The following TSPAN18 variants were observed in gnomAD, a reference collection of about 807,000 sequenced individuals.
TSPAN18 encodes tetraspanin 18, also known as tetraspanin-18.
In TSPAN18, 14 loss-of-function variants were observed where a neutral mutation model predicts 27.3. That is an observed-to-expected ratio of 0.51 (90% CI 0.34 to 0.80). The LOEUF (loss-of-function observed/expected upper bound fraction) is 0.80, where lower values mean the gene tolerates loss of function less well. Among genes scored for constraint, TSPAN18 ranks in the 30% least tolerant of loss-of-function variants. TSPAN18 has a pLI of 0.01. For synonymous variants in TSPAN18, 143 were observed against 136.5 expected, an observed-to-expected ratio of 1.05 and a Z score of -0.33; for missense variants, 268 against 323.9, an observed-to-expected ratio of 0.83 and a Z score of 1.32.
At chr11:44,746,868 GC>G (rs1855089573) in intron 1 of TSPAN18, among the ~76,000 whole-genome samples, 2 of 152,350 alleles carry the variant, frequency 1.3e-5, no homozygotes, top group South Asian at 4.1e-4. Flanking sequence ...CCCACTGCTT[GC>G]CTGGTGCTAC....
chr11:44,915,737 G>C (rs1227898783), intron 5 of TSPAN18, among the ~76,000 whole-genome samples: 1 of 152,238 alleles, frequency 6.6e-6, no homozygotes, highest in Non-Finnish European at 1.5e-5. Flanking sequence ...GCCAGGAGGG[G>C]AGTGTTCTTT....
At chr11:44,927,258 G>A (rs958288835) in intron 9 of TSPAN18, among the ~76,000 whole-genome samples, 1 of 152,222 alleles carries the variant, frequency 6.6e-6, no homozygotes, top group Non-Finnish European at 1.5e-5. Flanking sequence ...CAGACCGTTT[G>A]CAATCACCAC....
chr11:44,795,255 A>C (rs116016432), intron 2 of TSPAN18, among the ~76,000 whole-genome samples: 1,948 of 151,674 alleles, frequency 0.013, 49 homozygotes, highest in African/African-American at 0.044. Flanking sequence ...TCACTGGCCC[A>C]CTCCAGCATG....
At chr11:44,794,540 C>T (rs574769093) in intron 2 of TSPAN18, among the ~76,000 whole-genome samples, 5 of 151,988 alleles carry the variant, frequency 3.3e-5, no homozygotes, top group African/African-American at 9.7e-5. Flanking sequence ...TGGTGGCACA[C>T]GCCTGTAATC....
rs539054022 is a variant in TSPAN18, at chr11:44,930,543, C to G, written c.*1365C>G. ...CAAGGTTTCCTGTCTCTTCACTGTC[C>G]GCACATTTCTTAGTATTCCCTCCAG... On this transcript the variant is annotated 3_prime_UTR_variant, in exon 10 of 10. Transcript: ENST00000520358. The G allele has an allele frequency of 3.7e-6, 1 of 270,324 alleles. No individual in the cohort carries two copies. Among genetic ancestry groups the G allele is most frequent in the East Asian group, 1.1e-4 (1 of 9,460 alleles). 16.7% of individuals were successfully genotyped at this position (270,324 alleles called of 1,614,324 possible).
At chr11:44,799,297 G>A (rs776701831) in intron 2 of TSPAN18, among the ~76,000 whole-genome samples, 2 of 151,282 alleles carry the variant, frequency 1.3e-5, no homozygotes, top group African/African-American at 2.4e-5. Context: ...TCTGCCTAAG[G>A]AGCCTGTCCC....
intron 2 of TSPAN18, chr11:44,859,728 G>A (rs1312983266): frequency 6.6e-6 from 1 of 152,322 alleles, no homozygotes; most frequent in South Asian, 2.1e-4. Flanking sequence ...CAGTCTGACA[G>A]CTACAGAAGA....
At chr11:44,846,573 G>A (rs1857487252) in intron 2 of TSPAN18, among the ~76,000 whole-genome samples, 1 of 149,226 alleles carries the variant, frequency 6.7e-6, no homozygotes, top group South Asian at 2.1e-4. Flanking sequence ...CTCTGGGCTG[G>A]GCTCTTCCAA....
chr11:44,798,170 G>A lies in TSPAN18; in HGVS notation c.-153+33658G>A, dbSNP rs1856394267. Among the ~76,000 whole-genome samples, 3 of 152,174 alleles carry A rather than the reference G, an allele frequency of 2.0e-5. No individual in the cohort carries two copies. In the South Asian group the frequency reaches 6.2e-4, roughly 32 times the overall value. On this transcript the variant is annotated intron_variant, in intron 2 of 9. Transcript: ENST00000520358. ...AGAGGCCCGTGCCCTCCCACACTCA[G>A]CTCTTAGGAAATCACTATCTGCTGT...
chr11:44,910,564 C>T (rs1005691426), intron 5 of TSPAN18, among the ~76,000 whole-genome samples: 1 of 152,230 alleles, frequency 6.6e-6, no homozygotes, highest in African/African-American at 2.4e-5. Context: ...TTTCCACTTG[C>T]TTGCTATTAA....
chr11:44,927,305 TC>T (rs1860397937), intron 9 of TSPAN18, among the ~76,000 whole-genome samples: 1 of 152,178 alleles, frequency 6.6e-6, no homozygotes, highest in Non-Finnish European at 1.5e-5. Context: ...AGCGGCCGCC[TC>T]CCGTTTCTGT....
rs1590671474 is a variant in TSPAN18, at chr11:44,908,831, A to AAAGAAAGAAAGAAAGAAAGAAAGAAAG, written c.64-873_64-872insAGAAAGAAAGAAAGAAAGAAAGAAAGA. The stretch of plus-strand genomic sequence containing the variant: ...AGAAAGAAAGAAAGAAAGAAAGAAA[A>AAAGAAAGAAAGAAAGAAAGAAAGAAAG]AGAAAAATGGAGCAGATATTTATTG... On this transcript the variant is annotated intron_variant, in intron 4 of 9. Coordinates refer to ENST00000520358, the MANE Select transcript of TSPAN18 (RefSeq NM_130783.5). 6.3e-4 allele frequency among the ~76,000 whole-genome samples: 61 copies of AAAGAAAGAAAGAAAGAAAGAAAGAAAG among 96,236 alleles called. 12 individuals are homozygous for AAAGAAAGAAAGAAAGAAAGAAAGAAAG. The highest frequency in any genetic ancestry group is 1.5e-3 in the African/African-American group (35 of 23,804). The allele number at this position is 96,236 out of a possible 152,430, so 63.1% of individuals were successfully genotyped here.
chr11:44,831,957 C>T (rs1857163535), intron 2 of TSPAN18, among the ~76,000 whole-genome samples: 1 of 152,088 alleles, frequency 6.6e-6, no homozygotes, highest in African/African-American at 2.4e-5. Context: ...TGAACCAGCA[C>T]CATGGCCCCT....
intron 1 of TSPAN18, among the ~76,000 whole-genome samples, chr11:44,751,048 A>G (rs1855198881): frequency 6.6e-6 from 1 of 152,196 alleles, no homozygotes; most frequent in South Asian, 2.1e-4. Context: ...TGTTAATTAG[A>G]GGATGACTTT....
At chr11:44,786,417 G>A (rs1421151292) in intron 2 of TSPAN18, among the ~76,000 whole-genome samples, 1 of 152,116 alleles carries the variant, frequency 6.6e-6, no homozygotes, top group African/African-American at 2.4e-5. Flanking sequence ...GTGGGTCTGG[G>A]CTTTGAAAGC....
rs138341458 is a variant in TSPAN18, at chr11:44,871,206, A to G, written c.-11+10737A>G. ...AAATACCATAGACTAGGTGGATTAA[A>G]CAACAAATATTTATTTCTCAAGATG... On this transcript the variant is annotated intron_variant, in intron 3 of 9. Coordinates refer to ENST00000520358, the MANE Select transcript of TSPAN18 (RefSeq NM_130783.5). 5.8e-3 allele frequency among the ~76,000 whole-genome samples: 887 copies of G among 152,296 alleles called. 11 individuals are homozygous for G. Among genetic ancestry groups the G allele is most frequent in the African/African-American group, 0.018 (740 of 41,566 alleles).
chr11:44,736,063 A>G (rs1854785731), intron 1 of TSPAN18: 1 of 152,178 alleles, frequency 6.6e-6, no homozygotes, highest in Non-Finnish European at 1.5e-5. Flanking sequence ...TCAGTGCAAA[A>G]AGGTTAAGTA....
At chr11:44,776,067 C>T (rs370279603) in intron 2 of TSPAN18, among the ~76,000 whole-genome samples, 3 of 152,216 alleles carry the variant, frequency 2.0e-5, no homozygotes, top group Admixed American at 6.5e-5. Context: ...TCCTGTGGGG[C>T]GTCTGGGCAC....
At chr11:44,778,060 G>A (rs572200167) in intron 2 of TSPAN18, among the ~76,000 whole-genome samples, 14 of 152,130 alleles carry the variant, frequency 9.2e-5, no homozygotes, top group Non-Finnish European at 1.9e-4. Context: ...TGCTCCAGGT[G>A]GGGGGTGGGG....
Sources: allele counts gnomAD v4.1 joint callset (sites outside exome capture counted in the v4.1 genomes callset), GRCh38; gene constraint gnomAD v4.1.1; transcripts MANE v1.5; gene names NCBI Gene and HGNC (gene_info 2026-07-23, HGNC 2026-07-21).